SGSM2: variants seen among roughly 807,000 people sequenced by gnomAD.
SGSM2 encodes the protein RUN and TBC1 domain containing 1.
A neutral mutation model predicts 126.6 loss-of-function variants in SGSM2; 89 were observed. The observed-to-expected ratio is 0.70, with a 90% CI of 0.59 to 0.84. SGSM2 has a LOEUF of 0.84. SGSM2 is among the 40% of genes least tolerant of loss of function. The probability of loss-of-function intolerance (pLI) is 0.00; values close to 1 mark genes in which losing one functional copy is unlikely to be tolerated. For synonymous variants in SGSM2, 614 were observed against 574.3 expected (o/e 1.07, Z -0.99); for missense variants, 1,404 against 1,416.6 (o/e 0.99, Z 0.14).
intron 12 of SGSM2, among the ~76,000 whole-genome samples, chr17:2,368,497 C>T (rs2065699878): frequency 6.6e-6 from 1 of 152,206 alleles, no homozygotes; most frequent in Admixed American, 6.5e-5. Context: ...TCCCCTTAGG[C>T]TTCCAAAGTT....
chr17:2,342,295 A>G (rs1347161812), intron 1 of SGSM2, among the ~76,000 whole-genome samples: 1 of 151,016 alleles, frequency 6.6e-6, no homozygotes, highest in African/African-American at 2.4e-5. Context: ...GTGGTGGTGC[A>G]TGCCTGTAAT....
Position 2,379,128 on chromosome 17 carries a change from G to T in SGSM2, c.2992G>T (p.Ala998Ser). 4 of 1,614,136 alleles carry T rather than the reference G, an allele frequency of 2.5e-6. 1 individual carries two copies. In the East Asian group the frequency reaches 6.7e-5, roughly 27 times the overall value. The change falls in exon 23 of 24, where the codon GCC (alanine) becomes TCC (serine). Residue 998 changes from alanine to serine, a missense_variant. Transcript: ENST00000268989. The stretch of plus-strand genomic sequence containing the variant: ...GCACTTTGTCCTGTTCATCGCCCTC[G>T]CCCTGGTGGAGGCCTACCGAGAGAT... ...SEHFVLFIAL[A>S]LVEAYREIIR... is the part of the protein sequence containing the mutation.
Position 2,372,153 on chromosome 17 carries a change from C to T in SGSM2, c.1578-37C>T, listed in dbSNP as rs765825841. The T allele has an allele frequency of 3.9e-5, 63 of 1,608,016 alleles. No homozygotes were observed. Among genetic ancestry groups the T allele is most frequent in the Non-Finnish European group, 4.4e-5 (52 of 1,175,614 alleles). On this transcript the variant is annotated intron_variant, in intron 13 of 23. Coordinates refer to ENST00000268989, the MANE Select transcript of SGSM2 (RefSeq NM_014853.3). This position sits in a 1 kb window ranked among gnomAD's most constrained non-coding sequence, Gnocchi z 6.0. ...CTCTCTCTCCTCCCACCAGAGGGGC[C>T]GCAGCCCCTCCCTGCTGAGCCCGGT...
At chr17:2,378,170 G>T (rs566804637) in intron 22 of SGSM2, among the ~76,000 whole-genome samples, 39 of 152,318 alleles carry the variant, frequency 2.6e-4, no homozygotes, top group African/African-American at 9.1e-4. Flanking sequence ...AGTGGCTCAC[G>T]CCTGTAAACC....
Position 2,372,256 on chromosome 17 carries a change from T to C in SGSM2, c.1642+2T>C. ...TCGTGTCCCGGGCCTTCTACGGCTG[T>C]GAGTGTGGGGCGCGCCGGGCTGTGG... On this transcript the variant is annotated splice_donor_variant, in intron 14 of 23. Transcript: ENST00000268989. LOFTEE classifies it high-confidence loss of function. This position sits in a 1 kb window ranked among gnomAD's most constrained non-coding sequence, Gnocchi z 6.0. 6.2e-7 allele frequency: 1 copy of C among 1,612,836 alleles called. No individual in the cohort carries two copies. Among genetic ancestry groups the C allele is most frequent in the Non-Finnish European group, 8.5e-7 (1 of 1,179,596 alleles).
intron 1 of SGSM2, 98 bp from the exon 2 acceptor site, chr17:2,343,447 C>A: frequency 8.5e-7 from 1 of 1,177,382 alleles, no homozygotes; most frequent in Non-Finnish European, 1.3e-6. Context: ...CTGAAAGTGC[C>A]CTTCAGACCA....
intron 11 of SGSM2, among the ~76,000 whole-genome samples, chr17:2,366,191 G>T (rs1464159370): frequency 6.6e-6 from 1 of 152,158 alleles, no homozygotes; most frequent in Non-Finnish European, 1.5e-5. Flanking sequence ...GGCACTGGCG[G>T]GTAGAAAGGC....
intron 11 of SGSM2, among the ~76,000 whole-genome samples, chr17:2,366,068 A>G (rs1475675463): frequency 6.6e-6 from 1 of 152,070 alleles, no homozygotes; most frequent in Non-Finnish European, 1.5e-5. Flanking sequence ...GATGGTGAAT[A>G]TTGTCTGCTG....
intron 2 of SGSM2, among the ~76,000 whole-genome samples, chr17:2,360,547 C>T (rs1479791760): frequency 2.0e-5 from 3 of 152,314 alleles, no homozygotes; most frequent in Admixed American, 1.3e-4. Context: ...GACCTAGACC[C>T]AGCACCTCCT....
At position 2,363,952 on chromosome 17, in the gene SGSM2, A is replaced by C; in HGVS notation, c.808-107A>C. On this transcript the variant is annotated intron_variant, in intron 7 of 23. Coordinates refer to ENST00000268989, the MANE Select transcript of SGSM2 (RefSeq NM_014853.3). The surrounding 1 kb of genome is among the most constrained non-coding windows in gnomAD (Gnocchi z 4.2). ...GTCCCTAGTCCAGGACCCCGTGACT[A>C]GCCTAGCTTGGCCTCCCCTCCTCCC... 7.2e-7 allele frequency: 1 copy of C among 1,392,734 alleles called. No individual in the cohort carries two copies. The highest frequency in any genetic ancestry group is 1.0e-6 in the Non-Finnish European group (1 of 992,424). 86.3% of individuals were successfully genotyped at this position (1,392,734 alleles called of 1,614,324 possible). A position where few individuals can be genotyped will look rare whatever the true frequency, so the allele number is the denominator to read the frequency against.
At chr17:2,365,171 G>A (rs1244749635) in intron 10 of SGSM2, 44 bp from the exon 11 acceptor site, 7 of 1,590,796 alleles carry the variant, frequency 4.4e-6, no homozygotes, top group Non-Finnish European at 6.0e-6. Context: ...CCCTGGATGA[G>A]ACTCTGCCCT....
rs773133141 is a variant in SGSM2 at position 2,361,776 on chromosome 17, G to C, written c.273G>C (p.Glu91Asp). Residue 91 changes from glutamate to aspartate, a missense_variant, in exon 3 of 24, where the codon GAG (glutamate) becomes GAC (aspartate). Physicochemically the swap from Glu to Asp is conservative, Grantham distance 45. Coordinates refer to ENST00000268989, the MANE Select transcript of SGSM2 (RefSeq NM_014853.3). ...GGGAGATTTGCCACAAGGTACAGGA[G>C]CTGCAGCAACAAGCAGAGGGCAGGT... ...VAGEICHKVQ[E>D]LQQQAEGRKP... The C allele has an allele frequency of 1.2e-6, 2 of 1,610,338 alleles. No individual in the cohort carries two copies. Among genetic ancestry groups the C allele is most frequent in the Admixed American group, 3.3e-5 (2 of 59,886 alleles).
intron 2 of SGSM2, among the ~76,000 whole-genome samples, chr17:2,343,887 G>C (rs2064481302): frequency 6.6e-6 from 1 of 152,174 alleles, no homozygotes; most frequent in South Asian, 2.1e-4. Context: ...TGAAGGGCTT[G>C]GTAGAACACA....
At chr17:2,349,951 C>G (rs867597555) in intron 2 of SGSM2, among the ~76,000 whole-genome samples, 2 of 152,066 alleles carry the variant, frequency 1.3e-5, no homozygotes, top group Non-Finnish European at 2.9e-5. Context: ...CCACGCTCGG[C>G]TAATTTTTTG....
At chr17:2,358,393 A>G (rs1335071578) in intron 2 of SGSM2, among the ~76,000 whole-genome samples, 1 of 152,122 alleles carries the variant, frequency 6.6e-6, no homozygotes. Context: ...AATTAGTGAC[A>G]ATGCCTGGGT....
intron 12 of SGSM2, among the ~76,000 whole-genome samples, chr17:2,368,963 G>A (rs1379465475): frequency 6.6e-6 from 1 of 152,182 alleles, no homozygotes; most frequent in African/African-American, 2.4e-5. Flanking sequence ...TTAGGGCTGA[G>A]GCCTCCGGGA....
chr17:2,366,850 A>AG (rs2065611298), intron 11 of SGSM2: 1 of 157,894 alleles, frequency 6.3e-6, no homozygotes, highest in South Asian at 2.0e-4. Context: ...AGTCTGAAAA[A>AG]GGGGATTTGG....
chr17:2,376,301 C>G (rs1313488198), intron 19 of SGSM2, 40 bp downstream of exon 19: 1 of 1,610,870 alleles, frequency 6.2e-7, no homozygotes, highest in South Asian at 1.1e-5. Flanking sequence ...AGGCGGGACC[C>G]TGCCGCCAGT....
At chr17:2,378,122 TG>T in intron 22 of SGSM2, among the ~76,000 whole-genome samples, 169 bp downstream of exon 22, 1 of 152,272 alleles carries the variant, frequency 6.6e-6, no homozygotes, top group Middle Eastern at 3.4e-3. Flanking sequence ...TGTGGCTGCC[TG>T]GGCCTATGGG....
Sources: allele counts gnomAD v4.1 joint callset (sites outside exome capture counted in the v4.1 genomes callset), GRCh38; gene constraint gnomAD v4.1.1; non-coding constraint Gnocchi (gnomAD v3.1); transcripts MANE v1.5; gene names NCBI Gene and HGNC (gene_info 2026-07-23, HGNC 2026-07-21).